Variants in CAPRIN2 observed in about 807,000 individuals in gnomAD.
CAPRIN2 encodes caprin family member 2.
Under a neutral mutation model 130.4 loss-of-function variants are expected in CAPRIN2, and 66 were observed. The ratio of observed to expected loss-of-function variants is 0.51; its 90% CI spans 0.42 to 0.62. The LOEUF (loss-of-function observed/expected upper bound fraction) is 0.62, where lower values mean the gene tolerates loss of function less well. CAPRIN2 is among the 20% of genes least tolerant of loss of function. The probability of loss-of-function intolerance (pLI) is 0.00; values close to 1 mark genes in which losing one functional copy is unlikely to be tolerated. For missense variants in CAPRIN2, 1,185 were observed against 1,246.6 expected (o/e 0.95, Z 0.74); for synonymous variants, 471 against 444.1 (o/e 1.06, Z -0.76).
At position 30,728,906 on chromosome 12, in the gene CAPRIN2, C is replaced by T. The variant is rs1236991848; in HGVS notation, c.1524G>A (p.Lys508=). 3.7e-6 allele frequency: 6 copies of T among 1,614,100 alleles called. 1 individual carries two copies. In the South Asian group the frequency reaches 6.6e-5, roughly 18 times the overall value. ...GTGTCCAAGACTTTGGAGTTTGCTT[C>T]TTTGGATCTTGTTCTTTCTGCAGCT... The change falls in exon 8 of 17, where the codon AAG becomes AAA. Residue 508 remains lysine (K), a synonymous_variant. Transcript: ENST00000298892.
chr12:30,733,579 G>A, intron 5 of CAPRIN2, 50 bp downstream of exon 6: 1 of 1,245,338 alleles, frequency 8.0e-7, no homozygotes, highest in Non-Finnish European at 1.2e-6. Flanking sequence ...TAAACTTCTA[G>A]ACATAAAGTT....
exon 17 of CAPRIN2, chr12:30,709,822 G>C: frequency 6.8e-7 from 1 of 1,475,808 alleles, no homozygotes; most frequent in Non-Finnish European, 9.1e-7. Flanking sequence ...AAACCAATCA[G>C]TCATGAGGGC....
upstream of CAPRIN2, chr12:30,754,830 G>A (rs1026785186): frequency 6.6e-6 from 1 of 151,862 alleles, no homozygotes; most frequent in Non-Finnish European, 1.5e-5. Context: ...GCGCTGCGGA[G>A]GTGGACCGGC....
At chr12:30,711,475 G>C (rs1485424646) in intron 16 of CAPRIN2, 91 bp downstream of exon 18, 2 of 1,008,990 alleles carry the variant, frequency 2.0e-6, no homozygotes, top group East Asian at 2.4e-5. Context: ...ATGCTAAAAA[G>C]CAATGTGCTT....
chr12:30,747,317 C>A (rs1401366900), intron 2 of CAPRIN2, among the ~76,000 whole-genome samples: 1 of 152,142 alleles, frequency 6.6e-6, no homozygotes, highest in African/African-American at 2.4e-5. Flanking sequence ...GTTTTCATGC[C>A]TGATAACATA....
At chr12:30,726,148 A>G in intron 8 of CAPRIN2, 60 bp from the exon 10 acceptor site, 2 of 1,317,978 alleles carry the variant, frequency 1.5e-6, no homozygotes, top group Non-Finnish European at 2.0e-6. Context: ...CTAATCTAGG[A>G]AACAGTTTAT....
chr12:30,711,524 A>G (rs1396362708), intron 16 of CAPRIN2, 42 bp downstream of exon 18: 1 of 1,448,488 alleles, frequency 6.9e-7, no homozygotes, highest in African/African-American at 1.4e-5. Flanking sequence ...AGAACTAGAG[A>G]CATGTGCTGG....
chr12:30,740,918 G>A lies in CAPRIN2; in HGVS notation c.570+102C>T, dbSNP rs1425056758. ...GATAAAATATCAGCAGAAATTAGAA[G>A]AATAATAACCAAACACCATTACTAG... On this transcript the variant is annotated intron_variant, in intron 3 of 16. Coordinates refer to ENST00000298892, the Ensembl canonical transcript of CAPRIN2. The A allele has an allele frequency of 4.7e-5, 32 of 677,648 alleles. No individual in the cohort carries two copies. In the East Asian group the frequency reaches 6.5e-4, roughly 14 times the overall value. The allele number at this position is 677,648 out of a possible 1,614,324, so 42.0% of individuals were successfully genotyped here. A position where few individuals can be genotyped will look rare whatever the true frequency, so the allele number is the denominator to read the frequency against.
rs2056271722 is a variant in CAPRIN2 at position 30,713,721 on chromosome 12, T to A, written c.2601+64A>T. 4 of 934,724 alleles carry A rather than the reference T, an allele frequency of 4.3e-6. No individual in the cohort carries two copies. In the East Asian group the frequency reaches 7.3e-5, roughly 17 times the overall value. 57.9% of individuals were successfully genotyped at this position (934,724 alleles called of 1,614,324 possible). A position where few individuals can be genotyped will look rare whatever the true frequency, so the allele number is the denominator to read the frequency against. ...ACAAATTATGACTCTGCGATATACT[T>A]CAATCACCAGCTTAACATCAACAAC... On this transcript the variant is annotated intron_variant, in intron 15 of 16. Transcript: ENST00000298892.
Position 30,724,583 on chromosome 12 carries a change from CT to C in CAPRIN2, c.1906-133del. ...AATATCTAGCTAAAGCTATAGGTAT[CT>C]AGCTAATCACTGTCTCAGGATGCCA... On this transcript the variant is annotated intron_variant, in intron 9 of 16. Transcript: ENST00000298892. The C allele has an allele frequency of 4.9e-6, 3 of 610,268 alleles. No homozygotes were observed. In the South Asian group the frequency reaches 6.0e-5, roughly 12 times the overall value. The allele number at this position is 610,268 out of a possible 1,614,324, so 37.8% of individuals were successfully genotyped here. A position where few individuals can be genotyped will look rare whatever the true frequency, so the allele number is the denominator to read the frequency against.
chr12:30,738,318 C>A (rs962003248), intron 3 of CAPRIN2, among the ~76,000 whole-genome samples: 7 of 149,192 alleles, frequency 4.7e-5, no homozygotes, highest in Non-Finnish European at 8.9e-5. Context: ...AAAAAAAAAA[C>A]AAAACAGATA....
chr12:30,730,260 C>T (rs1262087702), exon 7 of CAPRIN2: 1 of 1,611,516 alleles, frequency 6.2e-7, no homozygotes, highest in Non-Finnish European at 8.5e-7. Context: ...GTATCTCTGG[C>T]TGGGCAAATT....
chr12:30,713,947 C>T, intron 14 of CAPRIN2, 62 bp from the exon 17 acceptor site: 1 of 968,080 alleles, frequency 1.0e-6, no homozygotes, highest in Non-Finnish European at 1.6e-6. Flanking sequence ...TTTAAACAGT[C>T]TAATTCTATA....
chr12:30,725,427 C>T (rs1176313835), intron 9 of CAPRIN2, among the ~76,000 whole-genome samples: 1 of 152,146 alleles, frequency 6.6e-6, no homozygotes, highest in Non-Finnish European at 1.5e-5. Context: ...TTTTACTAAA[C>T]AAAAATACTT....
At chr12:30,740,320 TAGAA>T (rs2066863531) in intron 3 of CAPRIN2, among the ~76,000 whole-genome samples, 2 of 151,994 alleles carry the variant, frequency 1.3e-5, no homozygotes, top group African/African-American at 4.8e-5. Flanking sequence ...TCCAAAAAAA[TAGAA>T]GAGATTATCT....
At chr12:30,730,134 G>T in intron 7 of CAPRIN2, 105 bp downstream of exon 8, 2 of 876,238 alleles carry the variant, frequency 2.3e-6, no homozygotes, top group Non-Finnish European at 3.7e-6. Context: ...TGCAGAACCA[G>T]GGTTCAAGCT....
chr12:30,728,632 A>C lies in CAPRIN2; in HGVS notation c.1782+16T>G. 1 of 1,585,704 alleles carries C rather than the reference A, an allele frequency of 6.3e-7. No homozygotes were observed. The highest frequency in any genetic ancestry group is 8.6e-7 in the Non-Finnish European group (1 of 1,166,968). On this transcript the variant is annotated intron_variant, in intron 8 of 16. Transcript: ENST00000298892. ...TGCCTACACTTACAGAAGCAGAATG[A>C]TACAGATCAACTCACATCTTTGGGT...
chr12:30,743,225 C>T (rs1049279833), intron 2 of CAPRIN2, among the ~76,000 whole-genome samples: 1 of 149,854 alleles, frequency 6.7e-6, no homozygotes, highest in Non-Finnish European at 1.5e-5. Flanking sequence ...TAACAAAGAG[C>T]TGCTCCCTCT....
rs757299316 is a variant in CAPRIN2, at chr12:30,730,293, A to G, written c.1061-11T>C. On this transcript the variant is annotated splice_polypyrimidine_tract_variant and intron_variant, in intron 6 of 16. Coordinates refer to ENST00000298892, the Ensembl canonical transcript of CAPRIN2. ...ATTCCATTAGAGACTCTGGGATGATAAAAAGAATCTGAATAAATACTAGGT... is the reference window on the plus strand; with the variant it reads ...ATTCCATTAGAGACTCTGGGATGATGAAAAGAATCTGAATAAATACTAGGT... The G allele has an allele frequency of 6.3e-7, 1 of 1,597,330 alleles. No homozygotes were observed. The highest frequency in any genetic ancestry group is 2.2e-5 in the East Asian group (1 of 44,788).
Sources: gnomAD v4.1 joint callset for allele counts (sites outside exome capture counted in the v4.1 genomes callset) on GRCh38, gnomAD v4.1.1 for gene constraint, MANE v1.5 for transcripts, NCBI Gene and HGNC (gene_info 2026-07-23, HGNC 2026-07-21) for gene names.